The following KIAA1217 variants were observed in gnomAD, a reference collection of about 807,000 sequenced individuals.
KIAA1217 encodes the protein sickle tail protein homolog.
Under a neutral mutation model 163.9 loss-of-function variants are expected in KIAA1217, and 88 were observed. The ratio of observed to expected loss-of-function variants is 0.54; its 90% CI spans 0.45 to 0.64. KIAA1217 has a LOEUF of 0.64. KIAA1217 is among the 30% of genes least tolerant of loss of function. The pLI, the probability that KIAA1217 is intolerant of heterozygous loss-of-function variation, is 0.00. For missense variants in KIAA1217, 2,372 were observed against 2,475.0 expected (o/e 0.96, Z 0.88); for synonymous variants, 903 against 923.1 (o/e 0.98, Z 0.39).
intron 1 of KIAA1217, among the ~76,000 whole-genome samples, chr10:23,897,406 C>G (rs548166553): frequency 3.3e-5 from 5 of 152,232 alleles, no homozygotes; most frequent in Admixed American, 2.6e-4. Context: ...CCCTGTCTCT[C>G]TGCTCTTGGC....
chr10:24,059,019 G>C (rs2060624156), intron 2 of KIAA1217, among the ~76,000 whole-genome samples: 1 of 152,126 alleles, frequency 6.6e-6, no homozygotes, highest in South Asian at 2.1e-4. Context: ...CCATGAGCTT[G>C]TCATATATGG....
intron 2 of KIAA1217, among the ~76,000 whole-genome samples, chr10:24,088,256 C>CATACATATATATAT (rs1554861322): frequency 1.0e-5 from 1 of 95,852 alleles, no homozygotes; most frequent in African/African-American, 3.4e-5. Flanking sequence ...TTTTAATATA[C>CATACATATATATAT]ATATATATAT....
intron 3 of KIAA1217, among the ~76,000 whole-genome samples, chr10:24,414,319 G>C (rs569278170): frequency 3.6e-4 from 55 of 152,168 alleles, no homozygotes; most frequent in Non-Finnish European, 6.6e-4. Context: ...GAGCTGAATT[G>C]CTACTATAGA....
chr10:24,023,544 A>G (rs1847822161), intron 2 of KIAA1217, among the ~76,000 whole-genome samples: 1 of 151,612 alleles, frequency 6.6e-6, no homozygotes, highest in African/African-American at 2.4e-5. Flanking sequence ...CTTTCGATAT[A>G]TATGCAATTT....
At chr10:24,387,468 G>A (rs1335377917) in intron 3 of KIAA1217, among the ~76,000 whole-genome samples, 1 of 152,158 alleles carries the variant, frequency 6.6e-6, no homozygotes, top group Non-Finnish European at 1.5e-5. Flanking sequence ...GCAAAAACTG[G>A]AAGCATTCCC....
At chr10:23,917,428 TG>T in intron 1 of KIAA1217, among the ~76,000 whole-genome samples, 1 of 152,282 alleles carries the variant, frequency 6.6e-6, no homozygotes, top group South Asian at 2.1e-4. Context: ...TGTGAATACT[TG>T]GCAGCAAGCC....
chr10:23,968,131 C>A (rs1845149294), intron 1 of KIAA1217, among the ~76,000 whole-genome samples: 1 of 147,866 alleles, frequency 6.8e-6, no homozygotes, highest in African/African-American at 2.5e-5. Flanking sequence ...CAACAGAATA[C>A]CAAAGTATGC....
chr10:24,300,871 G>A (rs1364469781), intron 2 of KIAA1217, among the ~76,000 whole-genome samples: 1 of 152,124 alleles, frequency 6.6e-6, no homozygotes, highest in Non-Finnish European at 1.5e-5. Flanking sequence ...GGAGTGCAGT[G>A]GTGTTATCTT....
At chr10:24,416,229 A>G (rs943489076) in intron 3 of KIAA1217, among the ~76,000 whole-genome samples, 2 of 152,226 alleles carry the variant, frequency 1.3e-5, no homozygotes, top group African/African-American at 4.8e-5. Flanking sequence ...TCCCCAATAT[A>G]TAAACTTTGG....
chr10:23,940,603 T>C (rs1281319601), intron 1 of KIAA1217, among the ~76,000 whole-genome samples: 2 of 152,058 alleles, frequency 1.3e-5, no homozygotes, highest in Non-Finnish European at 2.9e-5. Flanking sequence ...AAGGAACATG[T>C]ATAAACATTC....
chr10:24,449,591 T>A (rs2061234783), intron 5 of KIAA1217: 1 of 985,320 alleles, frequency 1.0e-6, no homozygotes, highest in Non-Finnish European at 1.2e-6. Context: ...TGGATACTGC[T>A]CCTTTAAACC....
Position 24,474,071 on chromosome 10 carries a change from G to A in KIAA1217, c.1679+11G>A, listed in dbSNP as rs1417184895. 2 of 1,578,590 alleles carry A rather than the reference G, an allele frequency of 1.3e-6. No homozygotes were observed. The highest frequency in any genetic ancestry group is 8.6e-7 in the Non-Finnish European group (1 of 1,161,504). Reference sequence around the variant, plus strand: ...AGACAGAGAGACCAGGTAAGGTGCAGTGAGGGTGACCGAGGGTGGTACCTG... The same window carrying A: ...AGACAGAGAGACCAGGTAAGGTGCAATGAGGGTGACCGAGGGTGGTACCTG... On this transcript the variant is annotated intron_variant, in intron 6 of 20. Transcript: ENST00000376454.
chr10:24,174,701 A>C (rs980316077), intron 2 of KIAA1217, among the ~76,000 whole-genome samples: 10 of 152,212 alleles, frequency 6.6e-5, no homozygotes, highest in African/African-American at 2.4e-4. Flanking sequence ...GGAACTACAG[A>C]CATTTTTTAA....
At chr10:23,863,021 A>C (rs1840027319) in intron 1 of KIAA1217, among the ~76,000 whole-genome samples, 1 of 152,122 alleles carries the variant, frequency 6.6e-6, no homozygotes. Context: ...GCGACCCTTA[A>C]TACCTTTGAC....
chr10:24,190,552 T>C (rs2066669704), intron 2 of KIAA1217, among the ~76,000 whole-genome samples: 1 of 152,144 alleles, frequency 6.6e-6, no homozygotes, highest in South Asian at 2.1e-4. Flanking sequence ...CACAGCAGGA[T>C]TGCCCTGGTT....
intron 2 of KIAA1217, among the ~76,000 whole-genome samples, chr10:24,115,136 T>C (rs1446503258): frequency 6.6e-6 from 1 of 152,222 alleles, no homozygotes; most frequent in Non-Finnish European, 1.5e-5. Context: ...CATTTGTGTG[T>C]TTCTCTTTCC....
At chr10:24,056,761 T>G (rs987734561) in intron 2 of KIAA1217, among the ~76,000 whole-genome samples, 1 of 152,138 alleles carries the variant, frequency 6.6e-6, no homozygotes, top group African/African-American at 2.4e-5. Context: ...CCCCGCTGAA[T>G]CTGATCTACA....
At position 24,391,142 on chromosome 10, in the gene KIAA1217, G is replaced by T. The variant is rs566500875; in HGVS notation, c.553+10075G>T. ...AAAATATATCTTCTAGGATTACTTT[G>T]CAGATGGGACATAGGTAAAAAAGCA... On this transcript the variant is annotated intron_variant, in intron 3 of 20. Transcript: ENST00000376454. Among the ~76,000 whole-genome samples, 8 of 152,138 alleles carry T rather than the reference G, an allele frequency of 5.3e-5. No individual in the cohort carries two copies. The South Asian group carries it at 1.7e-3, about 32-fold the overall frequency.
chr10:23,741,872 A>G (rs968540316), intron 1 of KIAA1217, among the ~76,000 whole-genome samples: 1 of 152,210 alleles, frequency 6.6e-6, no homozygotes, highest in African/African-American at 2.4e-5. Flanking sequence ...GAAATGGTGT[A>G]AGAATGAAAC....
Sources: gnomAD v4.1 joint callset for allele counts (sites outside exome capture counted in the v4.1 genomes callset) on GRCh38, gnomAD v4.1.1 for gene constraint, MANE v1.5 for transcripts, NCBI Gene and HGNC (gene_info 2026-07-23, HGNC 2026-07-21) for gene names.